Variants in SRGAP3 observed in about 807,000 individuals in gnomAD.
SRGAP3 encodes SLIT-ROBO Rho GTPase activating protein 3.
In SRGAP3, 39 loss-of-function variants were observed where a neutral mutation model predicts 121.1. That is an observed-to-expected ratio of 0.32 (90% confidence interval 0.25 to 0.42). SRGAP3 has a LOEUF of 0.42. Among genes scored for constraint, SRGAP3 ranks in the 10% least tolerant of loss-of-function variants. The pLI is 1.00. For synonymous variants in SRGAP3, 601 were observed against 570.0 expected (o/e 1.05, Z -0.77); for missense variants, 1,213 against 1,470.6 (o/e 0.82, Z 2.86).
At chr3:9,288,203 C>T (rs1262018662) in intron 3 of SRGAP3, among the ~76,000 whole-genome samples, 1 of 149,208 alleles carries the variant, frequency 6.7e-6, no homozygotes, top group Admixed American at 6.8e-5. Flanking sequence ...AATAGCGCAG[C>T]CTCGGCTCAC....
intron 1 of SRGAP3, among the ~76,000 whole-genome samples, chr3:9,188,536 T>C (rs1321366347): frequency 6.6e-6 from 1 of 152,208 alleles, no homozygotes; most frequent in African/African-American, 2.4e-5. Context: ...TCTTATCCAC[T>C]GACAGAATGG....
chr3:8,999,904 GC>G (rs1942649113), intron 18 of SRGAP3, among the ~76,000 whole-genome samples: 1 of 152,154 alleles, frequency 6.6e-6, no homozygotes, highest in Non-Finnish European at 1.5e-5. Context: ...AATATTTCAA[GC>G]CCCTGGAAAT....
intron 1 of SRGAP3, among the ~76,000 whole-genome samples, chr3:9,230,710 A>T (rs1559229142): frequency 1.3e-5 from 2 of 151,798 alleles, no homozygotes; most frequent in Middle Eastern, 3.4e-3. Flanking sequence ...TCTCTACAAA[A>T]TTTTTTTTTA....
chr3:9,353,669 A>G (rs891811693), intron 1 of SRGAP3, among the ~76,000 whole-genome samples: 1 of 152,230 alleles, frequency 6.6e-6, no homozygotes, highest in African/African-American at 2.4e-5. Context: ...ATTTCCCTCT[A>G]GTTGTTAACA....
chr3:9,111,715 C>G (rs191390902), intron 2 of SRGAP3, among the ~76,000 whole-genome samples: 8 of 152,154 alleles, frequency 5.3e-5, no homozygotes, highest in African/African-American at 1.9e-4. Flanking sequence ...ACCCCTTTGA[C>G]CTGAGATCCA....
At chr3:9,060,428 CTTT>C (rs59248524) in intron 5 of SRGAP3, 69 bp from the exon 6 acceptor site, 1,433 of 1,172,654 alleles carry the variant, frequency 1.2e-3, no homozygotes, top group East Asian at 2.3e-3. Flanking sequence ...TTTTCTATTC[CTTT>C]TTTTTTTTTT....
intron 12 of SRGAP3, among the ~76,000 whole-genome samples, chr3:9,029,426 G>T (rs1343154601): frequency 1.3e-5 from 2 of 152,166 alleles, no homozygotes; most frequent in African/African-American, 2.4e-5. Flanking sequence ...CAAGGATTTT[G>T]AAAGGGGTTT....
intron 4 of SRGAP3, among the ~76,000 whole-genome samples, chr3:9,079,486 T>C (rs921762942): frequency 6.6e-6 from 1 of 152,228 alleles, no homozygotes; most frequent in African/African-American, 2.4e-5. Context: ...AAGTCAGCCG[T>C]GGACCACACT....
At chr3:9,350,531 G>A (rs1030930436) in intron 1 of SRGAP3, among the ~76,000 whole-genome samples, 5 of 152,200 alleles carry the variant, frequency 3.3e-5, no homozygotes, top group Non-Finnish European at 7.3e-5. Context: ...ATGGCTAGGA[G>A]GGTCCCAGTA....
chr3:9,147,820 G>A (rs574807469), intron 1 of SRGAP3, among the ~76,000 whole-genome samples: 10 of 152,286 alleles, frequency 6.6e-5, no homozygotes, highest in African/African-American at 2.4e-4. Context: ...TGCAGCCTGT[G>A]CCAGAGCCAC....
Position 9,040,568 on chromosome 3 carries a change from T to C in SRGAP3, c.1409-2478A>G, listed in dbSNP as rs553421006. Among the ~76,000 whole-genome samples the C allele has an allele frequency of 5.9e-5, 9 of 152,010 alleles. No individual in the cohort carries two copies. The East Asian group carries it at 1.2e-3, about 20-fold the overall frequency. On this transcript the variant is annotated intron_variant, in intron 10 of 21. Transcript: ENST00000383836. ...TATTTTTATTCTATTCTATTCTATTTTATATTATTTTATTTATTTTAGACT... is the reference window on the plus strand; with the variant it reads ...TATTTTTATTCTATTCTATTCTATTCTATATTATTTTATTTATTTTAGACT...
At chr3:9,322,856 A>T (rs1301985330) in intron 3 of SRGAP3, among the ~76,000 whole-genome samples, 1 of 151,876 alleles carries the variant, frequency 6.6e-6, no homozygotes, top group East Asian at 1.9e-4. Context: ...GAAAGTGAAA[A>T]TTTAAGTTCA....
chr3:9,028,418 G>C (rs569673016), intron 12 of SRGAP3, among the ~76,000 whole-genome samples: 2 of 152,254 alleles, frequency 1.3e-5, no homozygotes, highest in East Asian at 3.9e-4. Context: ...TTCAGTCCTT[G>C]TGAAAGAGCA....
chr3:9,248,277 T>TA (rs1255879740), intron 1 of SRGAP3, among the ~76,000 whole-genome samples: 2 of 152,198 alleles, frequency 1.3e-5, no homozygotes, highest in Non-Finnish European at 2.9e-5. Context: ...GCTCCCTTTT[T>TA]ATGCCCAAAT....
intron 1 of SRGAP3, among the ~76,000 whole-genome samples, chr3:9,175,765 G>A (rs1209874681): frequency 6.6e-6 from 1 of 152,210 alleles, no homozygotes; most frequent in Non-Finnish European, 1.5e-5. Context: ...CCCAAACCAG[G>A]TGTGGTCCTT....
intron 3 of SRGAP3, among the ~76,000 whole-genome samples, chr3:9,104,400 T>TAAAGAATGACGATGAG (rs1948333288): frequency 6.6e-6 from 1 of 152,250 alleles, no homozygotes; most frequent in Non-Finnish European, 1.5e-5. Flanking sequence ...TTTAAAATTT[T>TAAAGAATGACGATGAG]CTACAATGAA....
At chr3:9,190,523 G>A (rs1430353394) in intron 1 of SRGAP3, among the ~76,000 whole-genome samples, 1 of 152,132 alleles carries the variant, frequency 6.6e-6, no homozygotes, top group East Asian at 1.9e-4. Flanking sequence ...TCCAATCCTC[G>A]GGGCTTGCTG....
intron 9 of SRGAP3, 127 bp from the exon 10 acceptor site, chr3:9,047,602 C>T: frequency 2.3e-6 from 2 of 881,214 alleles, no homozygotes; most frequent in Non-Finnish European, 3.7e-6. Context: ...GACCCCGGCG[C>T]AGGGAACAGA....
chr3:9,067,688 G>A (rs1010259633), intron 4 of SRGAP3, among the ~76,000 whole-genome samples: 6 of 152,202 alleles, frequency 3.9e-5, no homozygotes, highest in African/African-American at 1.4e-4. Context: ...AATAGCTAAC[G>A]CATGTGGGGC....
Sources: allele counts gnomAD v4.1 joint callset (sites outside exome capture counted in the v4.1 genomes callset), GRCh38; gene constraint gnomAD v4.1.1; transcripts MANE v1.5; gene names NCBI Gene and HGNC (gene_info 2026-07-23, HGNC 2026-07-21).